FLT3: variants seen among roughly 807,000 people sequenced by gnomAD.
The protein encoded by FLT3 is fms related receptor tyrosine kinase 3, also known as receptor-type tyrosine-protein kinase FLT3.
A neutral mutation model predicts 126.6 loss-of-function variants in FLT3; 46 were observed. The ratio of observed to expected loss-of-function variants is 0.36; its 90% confidence interval spans 0.29 to 0.46. The LOEUF is 0.46. Among genes scored for constraint, FLT3 ranks in the 20% least tolerant of loss-of-function variants. The pLI is 1.00. For missense variants in FLT3, 1,069 were observed against 1,190.3 expected (o/e 0.90, Z 1.50); for synonymous variants, 404 against 434.4 (o/e 0.93, Z 0.87).
rs1452571288 is a variant in FLT3 at position 28,023,433 on chromosome 13, C to A, written c.2335G>T (p.Asp779Tyr). The A allele has an allele frequency of 1.9e-6, 3 of 1,613,798 alleles. No individual in the cohort carries two copies. The Admixed American group carries it at 5.0e-5, about 27-fold the overall frequency. ...TCTTCAAATGTAAGCACATTCAAGT[C>A]CTCCTCTTCTTCCAGCCTTTTTTGG... ...ENQKRLEEEE[D>Y]LNVLTFEDLL... Residue 779 changes from aspartate to tyrosine, a missense_variant, in exon 19 of 24, where the codon GAC becomes TAC. Physicochemically the swap from Asp to Tyr is radical, Grantham distance 160. Coordinates refer to ENST00000241453, the MANE Select transcript of FLT3 (RefSeq NM_004119.3).
chr13:28,036,129 G>A lies in FLT3; in HGVS notation c.1310-86C>T, dbSNP rs1467190662. On this transcript the variant is annotated intron_variant, in intron 10 of 23. Transcript: ENST00000241453. ...TACCAATACTTTGTGAAGCCAAGGT[G>A]GGAGGATCACTTGGGCCAAGGAGTT... is the stretch of plus-strand genomic sequence containing the variant. The A allele has an allele frequency of 3.5e-6, 4 of 1,134,080 alleles. No homozygotes were observed. The Admixed American group carries it at 5.1e-5, about 14-fold the overall frequency. 70.3% of individuals were successfully genotyped at this position (1,134,080 alleles called of 1,614,324 possible).
At chr13:28,071,194 G>A (rs1289300065) in intron 1 of FLT3, among the ~76,000 whole-genome samples, 2 of 149,800 alleles carry the variant, frequency 1.3e-5, no homozygotes, top group African/African-American at 2.5e-5. Flanking sequence ...ATTTTTAGTA[G>A]AGACGGGGTA....
intron 9 of FLT3, among the ~76,000 whole-genome samples, chr13:28,039,267 T>C (rs1367627529): frequency 6.6e-6 from 1 of 152,164 alleles, no homozygotes; most frequent in Non-Finnish European, 1.5e-5. Flanking sequence ...AGTGGCACTA[T>C]CTCGGCTTAT....
intron 1 of FLT3, among the ~76,000 whole-genome samples, chr13:28,089,760 A>T (rs1481834849): frequency 6.8e-6 from 1 of 147,722 alleles, no homozygotes; most frequent in Non-Finnish European, 1.5e-5. Flanking sequence ...TTTGAGATGG[A>T]GTCTTGCTGT....
At chr13:28,075,300 T>C (rs930347688) in intron 1 of FLT3, among the ~76,000 whole-genome samples, 5 of 152,194 alleles carry the variant, frequency 3.3e-5, no homozygotes, top group South Asian at 2.1e-4. Flanking sequence ...TCCCAACACA[T>C]AGAAATGATA....
intron 1 of FLT3, among the ~76,000 whole-genome samples, chr13:28,076,961 A>G (rs1408028131): frequency 7.5e-6 from 1 of 132,800 alleles, no homozygotes; most frequent in East Asian, 2.6e-4. Context: ...GAAGGAAGGA[A>G]AGAAGGAAGG....
In FLT3 at chr13:28,091,366, C is replaced by T. The variant is rs7334433; in HGVS notation, c.43+9102G>A. ...CCTCCCGAGTAGCTGGGACTACAGG[C>T]GCCCGCCACCACGCCCGGCTAATTT... On this transcript the variant is annotated intron_variant, in intron 1 of 23. Coordinates refer to ENST00000241453, the MANE Select transcript of FLT3 (RefSeq NM_004119.3). Among the ~76,000 whole-genome samples, 1,363 of 149,268 alleles carry T rather than the reference C, an allele frequency of 9.1e-3. 18 individuals carry two copies. Among genetic ancestry groups the T allele is most frequent in the African/African-American group, 0.03 (1,236 of 40,586 alleles).
At chr13:28,062,299 G>C (rs1286897948) in intron 2 of FLT3, among the ~76,000 whole-genome samples, 1 of 152,112 alleles carries the variant, frequency 6.6e-6, no homozygotes, top group African/African-American at 2.4e-5. Context: ...TGTACGGACT[G>C]TCATGGCGTG....
In FLT3 at chr13:28,023,385, C is replaced by T. The variant is rs139776505; in HGVS notation, c.2383G>A (p.Val795Ile). The T allele has an allele frequency of 2.6e-4, 422 of 1,613,852 alleles. 1 individual carries two copies. The highest frequency in any genetic ancestry group is 9.9e-4 in the Middle Eastern group (6 of 6,062). ...TCCAGAAATTCCATTCCTTTGGCAA[C>T]TTGATATGCAAAGCAAAGAAGATCT... Reference protein sequence around the residue: ...FEDLLCFAYQVAKGMEFLEFK... With the variant: ...FEDLLCFAYQIAKGMEFLEFK... Residue 795 changes from valine to isoleucine, a missense_variant, in exon 19 of 24, where the codon GTT becomes ATT. Physicochemically the swap from Val to Ile is conservative, Grantham distance 29. Transcript: ENST00000241453.
At chr13:28,052,342 C>T (rs534446046) in intron 5 of FLT3, among the ~76,000 whole-genome samples, 1 of 149,496 alleles carries the variant, frequency 6.7e-6, no homozygotes, top group Non-Finnish European at 1.5e-5. Flanking sequence ...GTGATCTGTC[C>T]ACCTTGGCCT....
At chr13:28,016,914 C>T (rs1871912325) in intron 20 of FLT3, among the ~76,000 whole-genome samples, 1 of 152,084 alleles carries the variant, frequency 6.6e-6, no homozygotes, top group South Asian at 2.1e-4. Context: ...TGGATGTTCA[C>T]CCTGGACAAG....
chr13:28,091,473 G>C (rs1004861643), intron 1 of FLT3, among the ~76,000 whole-genome samples: 2 of 150,734 alleles, frequency 1.3e-5, no homozygotes, highest in East Asian at 2.0e-4. Flanking sequence ...CGCCCGCCTC[G>C]GCCTCCCAAA....
At chr13:28,068,662 T>C (rs1320532) in intron 2 of FLT3, among the ~76,000 whole-genome samples, 147,459 of 152,290 alleles carry the variant, frequency 0.97, 71,545 homozygotes, top group Non-Finnish European at 1. Context: ...ACCTCCCTGG[T>C]TCAGATGATC....
Position 28,082,670 on chromosome 13 carries a change from T to TTTTTGTTTTG in FLT3, c.44-12068_44-12059dup, listed in dbSNP as rs140799826. Among the ~76,000 whole-genome samples, 247 of 143,520 alleles carry TTTTTGTTTTG rather than the reference T, an allele frequency of 1.7e-3. 2 individuals are homozygous for TTTTTGTTTTG. The highest frequency in any genetic ancestry group is 4.9e-3 in the African/African-American group (189 of 38,606). 94.2% of individuals were successfully genotyped at this position (143,520 alleles called of 152,430 possible). On this transcript the variant is annotated intron_variant, in intron 1 of 23. Transcript: ENST00000241453. Reference sequence around the variant, plus strand: ...GTCAGGAGCCACGACGCCCAGCTAATTTTTGTTTTGTTTTGTTTTGTTTTG... The same window carrying TTTTTGTTTTG: ...GTCAGGAGCCACGACGCCCAGCTAATTTTTGTTTTGTTTTGTTTTGTTTTGTTTTGTTTTG...
intron 5 of FLT3, among the ~76,000 whole-genome samples, chr13:28,050,691 G>C (rs1400008052): frequency 1.3e-5 from 2 of 152,050 alleles, no homozygotes. Context: ...AACAGAGGAG[G>C]GCCAAGGTGT....
At chr13:28,076,087 G>A (rs1433835751) in intron 1 of FLT3, among the ~76,000 whole-genome samples, 1 of 152,082 alleles carries the variant, frequency 6.6e-6, no homozygotes, top group Non-Finnish European at 1.5e-5. Context: ...GTGAGCCACT[G>A]CACATGGCCC....
In FLT3 at chr13:28,018,471, C is replaced by T. The variant is rs1872083734; in HGVS notation, c.2537G>A (p.Gly846Asp). 1 of 1,613,986 alleles carries T rather than the reference C, an allele frequency of 6.2e-7. No homozygotes were observed. The highest frequency in any genetic ancestry group is 8.5e-7 in the Non-Finnish European group (1 of 1,179,900). Residue 846 changes from glycine (G) to aspartate (D), a missense_variant, in exon 20 of 24, where the codon GGC becomes GAC. Coordinates refer to ENST00000241453, the MANE Select transcript of FLT3 (RefSeq NM_004119.3). ...AGTAGGAAATAGCAGCCTCACATTG[C>T]CCCTGACAACATAGTTGGAATCACT... ...IMSDSNYVVR[G>D]NARLPVKWMA...
intron 1 of FLT3, among the ~76,000 whole-genome samples, chr13:28,081,349 C>T (rs1395720040): frequency 6.7e-6 from 1 of 149,586 alleles, no homozygotes; most frequent in African/African-American, 2.4e-5. Flanking sequence ...CATCTTTCTC[C>T]CTGTTTCATA....
intron 1 of FLT3, among the ~76,000 whole-genome samples, chr13:28,091,457 G>A (rs1206502811): frequency 5.3e-5 from 8 of 150,716 alleles, no homozygotes; most frequent in African/African-American, 1.2e-4. Context: ...TCCTGACCTC[G>A]TGATCCGCCC....
Sources: gnomAD v4.1 joint callset for allele counts (sites outside exome capture counted in the v4.1 genomes callset) on GRCh38, gnomAD v4.1.1 for gene constraint, MANE v1.5 for transcripts, NCBI Gene and HGNC (gene_info 2026-07-23, HGNC 2026-07-21) for gene names.